MYBPC1: variants seen among roughly 807,000 people sequenced by gnomAD.
MYBPC1 encodes myosin-binding protein C, slow-type.
A neutral mutation model predicts 147.1 loss-of-function variants in MYBPC1; 52 were observed. That is an observed-to-expected ratio of 0.35 (90% confidence interval 0.28 to 0.45). MYBPC1 has a LOEUF of 0.45. MYBPC1 is among the 20% of genes least tolerant of loss of function. The probability of loss-of-function intolerance (pLI) is 1.00; values close to 1 mark genes in which losing one functional copy is unlikely to be tolerated. For synonymous variants in MYBPC1, 477 were observed against 475.9 expected, an observed-to-expected ratio of 1.00 and a Z score of -0.03; for missense variants, 1,228 against 1,440.3, an observed-to-expected ratio of 0.85 and a Z score of 2.39.
chr12:101,608,669 G>A (rs763979770), intron 1 of MYBPC1, among the ~76,000 whole-genome samples: 2 of 152,218 alleles, frequency 1.3e-5, no homozygotes, highest in Non-Finnish European at 2.9e-5. Context: ...GGTGGGACAG[G>A]TTCCTCGACA....
chr12:101,678,801 A>G (rs1453393208), intron 28 of MYBPC1, among the ~76,000 whole-genome samples: 1 of 152,214 alleles, frequency 6.6e-6, no homozygotes, highest in Non-Finnish European at 1.5e-5. Context: ...TGGGTGCAAG[A>G]CAGAAAGTAC....
intron 1 of MYBPC1, among the ~76,000 whole-genome samples, chr12:101,595,337 T>A (rs987480681): frequency 2.6e-5 from 4 of 152,208 alleles, no homozygotes; most frequent in Non-Finnish European, 5.9e-5. Flanking sequence ...CAAATGATAA[T>A]TCTATCATTC....
At chr12:101,627,655 T>C in intron 4 of MYBPC1, 114 bp from the exon 5 acceptor site, 1 of 1,204,346 alleles carries the variant, frequency 8.3e-7, no homozygotes, top group Non-Finnish European at 1.2e-6. Context: ...GGTTTTTTCC[T>C]TCCTATCACC....
chr12:101,595,118 T>C (rs770434331), intron 1 of MYBPC1, 23 bp downstream of exon 1: 11 of 1,595,532 alleles, frequency 6.9e-6, no homozygotes, highest in East Asian at 4.5e-5. Flanking sequence ...TAGAAATCTT[T>C]TTGTTGTACT....
chr12:101,667,954 T>C lies in MYBPC1; in HGVS notation c.2524+55T>C. ...TCCATTTTACATGGTTCACTTTTTT[T>C]TTCTTCAAACTACTTTCTTTCTCAA... is the stretch of plus-strand genomic sequence containing the variant. On this transcript the variant is annotated intron_variant, in intron 23 of 31. Transcript: ENST00000361466. 4 of 1,575,722 alleles carry C rather than the reference T, an allele frequency of 2.5e-6. No individual in the cohort carries two copies. The South Asian group carries it at 4.6e-5, about 18-fold the overall frequency.
chr12:101,634,001 A>C (rs1329753507), intron 8 of MYBPC1, among the ~76,000 whole-genome samples: 4 of 149,936 alleles, frequency 2.7e-5, no homozygotes, highest in Non-Finnish European at 4.4e-5. Flanking sequence ...GGTTCACGCC[A>C]TTCTCCTGCC....
At chr12:101,608,791 T>C (rs755730314) in intron 1 of MYBPC1, among the ~76,000 whole-genome samples, 2 of 152,232 alleles carry the variant, frequency 1.3e-5, no homozygotes, top group Non-Finnish European at 2.9e-5. Context: ...ATTGCTCTCC[T>C]GCCCTTGTTA....
intron 9 of MYBPC1, among the ~76,000 whole-genome samples, chr12:101,635,818 T>C (rs1890869173): frequency 6.6e-6 from 1 of 152,304 alleles, no homozygotes; most frequent in African/African-American, 2.4e-5. Context: ...ATAACTAACA[T>C]TTGTAAAGAG....
At chr12:101,673,715 G>T in intron 25 of MYBPC1, 93 bp downstream of exon 25, 1 of 1,374,028 alleles carries the variant, frequency 7.3e-7, no homozygotes, top group Non-Finnish European at 1.0e-6. Flanking sequence ...GTTTTGTTAG[G>T]CTGGCTCTAC....
At chr12:101,670,031 T>A (rs1054308741) in intron 23 of MYBPC1, 1 of 504,780 alleles carries the variant, frequency 2.0e-6, no homozygotes, top group South Asian at 2.0e-5. Context: ...TTAGGCTTAT[T>A]ACAACAATAA....
intron 30 of MYBPC1, among the ~76,000 whole-genome samples, chr12:101,683,600 A>G (rs565415844): frequency 1.3e-5 from 2 of 152,290 alleles, no homozygotes; most frequent in South Asian, 4.1e-4. Context: ...TCCAGGCTCT[A>G]TTACAAAATG....
In MYBPC1 at chr12:101,631,627, A is replaced by G. The variant is rs1889914623; in HGVS notation, c.346A>G (p.Thr116Ala). Residue 116 changes from threonine (T) to alanine (A), a missense_variant, in exon 7 of 32, where the codon ACT becomes GCT. Transcript: ENST00000361466. ...GGCTGAAGATCTTCTGAGAAAACCC[A>G]CTATCAAATGGTTCAAAGGAAAATG... is the stretch of plus-strand genomic sequence containing the variant. ...VKAEDLLRKPTIKWFKGKWMD... is the reference protein window; with the variant it reads ...VKAEDLLRKPAIKWFKGKWMD... 3 of 1,614,076 alleles carry G rather than the reference A, an allele frequency of 1.9e-6. No homozygotes were observed. Among genetic ancestry groups the G allele is most frequent in the Non-Finnish European group, 2.5e-6 (3 of 1,180,028 alleles).
chr12:101,670,335 C>G lies in MYBPC1; in HGVS notation c.2539C>G (p.Arg847Gly), dbSNP rs768199021. The G allele has an allele frequency of 1.2e-6, 2 of 1,613,700 alleles. No homozygotes were observed. Among genetic ancestry groups the G allele is most frequent in the Non-Finnish European group, 1.7e-6 (2 of 1,179,736 alleles). The change falls in exon 24 of 32, where the codon CGC becomes GGC. Residue 847 changes from arginine to glycine, a missense_variant. By Grantham distance (125) the Arg-to-Gly change is moderately radical. This residue lies in a region of MYBPC1 where 1,077 missense variants were observed against 1,314.2 expected (regional missense o/e 0.82). Coordinates refer to ENST00000361466, the MANE Select transcript of MYBPC1 (RefSeq NM_002465.4). ...CCCTCTCTCAGAACCTCCAAAGATTCGCATTCCAAGACACCTGAAGCAAAC... is the reference window on the plus strand; with the variant it reads ...CCCTCTCTCAGAACCTCCAAAGATTGGCATTCCAAGACACCTGAAGCAAAC... ...VKEIIEPPKI[R>G]IPRHLKQTYI...
At chr12:101,635,090 A>G (rs528466256) in intron 9 of MYBPC1, among the ~76,000 whole-genome samples, 1 of 152,326 alleles carries the variant, frequency 6.6e-6, no homozygotes, top group Admixed American at 6.5e-5. Context: ...ATAATATTGG[A>G]TTATCCTAAA....
intron 6 of MYBPC1, 94 bp downstream of exon 6, chr12:101,629,638 C>T: frequency 2.3e-6 from 2 of 855,734 alleles, no homozygotes; most frequent in South Asian, 2.8e-5. Flanking sequence ...TCTGGGAGGT[C>T]CAGACAGGCA....
intron 1 of MYBPC1, 69 bp downstream of exon 1, chr12:101,595,164 A>G: frequency 4.0e-6 from 5 of 1,263,944 alleles, no homozygotes; most frequent in African/African-American, 1.5e-5. Flanking sequence ...TTTATCTTCA[A>G]ACAAATAACA....
At position 101,667,881 on chromosome 12, in the gene MYBPC1, C is replaced by A; in HGVS notation, c.2506C>A (p.Leu836Ile). The change falls in exon 23 of 32, where the codon CTC (leucine) becomes ATC (isoleucine). Residue 836 changes from leucine to isoleucine, a missense_variant. Physicochemically the swap from Leu to Ile is conservative, Grantham distance 5 (BLOSUM62 2). This residue lies in a region of MYBPC1 where 1,077 missense variants were observed against 1,314.2 expected (regional missense o/e 0.82). Transcript: ENST00000361466. ...GCCCAAGTACTATTCTCAGCCCATT[C>A]TCGTGAAGGAAATCATAGGTAGGAG... ...SEPKYYSQPI[L>I]VKEIIEPPKI... is the part of the protein sequence containing the mutation. 6.2e-7 allele frequency: 1 copy of A among 1,614,090 alleles called. No individual in the cohort carries two copies. Among genetic ancestry groups the A allele is most frequent in the Non-Finnish European group, 8.5e-7 (1 of 1,179,982 alleles).
At chr12:101,675,569 G>C in intron 26 of MYBPC1, 138 bp downstream of exon 26, 1 of 1,307,626 alleles carries the variant, frequency 7.6e-7, no homozygotes, top group Non-Finnish European at 1.1e-6. Context: ...GAAAGGAAAA[G>C]ACCTGTGGAG....
chr12:101,642,713 A>T, intron 11 of MYBPC1, 128 bp downstream of exon 11: 1 of 1,003,614 alleles, frequency 1.0e-6, no homozygotes, highest in Non-Finnish European at 1.5e-6. Context: ...GTAGGAGTGC[A>T]GGGGTTACGC....
Sources: allele counts gnomAD v4.1 joint callset (sites outside exome capture counted in the v4.1 genomes callset), GRCh38; gene constraint gnomAD v4.1.1; regional missense constraint gnomAD v4.1.1; transcripts MANE v1.5; gene names NCBI Gene and HGNC (gene_info 2026-07-23, HGNC 2026-07-21).